NPRL3: variants seen among roughly 807,000 people sequenced by gnomAD.
NPRL3 encodes the protein GATOR1 complex protein NPRL3.
Under a neutral mutation model 57.2 loss-of-function variants are expected in NPRL3, and 23 were observed. That is an observed-to-expected ratio of 0.40 (90% confidence interval 0.29 to 0.57). NPRL3 has a LOEUF of 0.57. NPRL3 is among the 20% of genes least tolerant of loss of function. The probability of loss-of-function intolerance (pLI) is 0.42; values close to 1 mark genes in which losing one functional copy is unlikely to be tolerated. For synonymous variants in NPRL3, 333 were observed against 321.1 expected (o/e 1.04, Z -0.39); for missense variants, 691 against 767.1 (o/e 0.90, Z 1.17).
At chr16:97,836 C>G (rs796980923) in intron 9 of NPRL3, among the ~76,000 whole-genome samples, 27 of 152,278 alleles carry the variant, frequency 1.8e-4, no homozygotes, top group African/African-American at 6.5e-4. Flanking sequence ...CTGCCCACCC[C>G]CTAGCTCTGG....
chr16:86,697 G>A lies in NPRL3; in HGVS notation c.*8C>T, dbSNP rs773919262. 141 of 1,546,566 alleles carry A rather than the reference G, an allele frequency of 9.1e-5. 1 individual carries two copies. Among genetic ancestry groups the A allele is most frequent in the Admixed American group, 2.7e-4 (14 of 51,036 alleles). ...GCACCCCAGCAGCCTTCCGCCCTCC[G>A]CCTGGGCTCAGGGGAGCAGAGCCTG... is the stretch of plus-strand genomic sequence containing the variant. On this transcript the variant is annotated 3_prime_UTR_variant, in exon 14 of 14. Coordinates refer to ENST00000611875, the MANE Select transcript of NPRL3 (RefSeq NM_001077350.3).
intron 13 of NPRL3, among the ~76,000 whole-genome samples, chr16:87,839 G>A (rs945285454): frequency 1.6e-4 from 24 of 150,140 alleles, no homozygotes; most frequent in Non-Finnish European, 3.5e-4. Flanking sequence ...CAAAGTGCTG[G>A]GATTACAGGC....
rs767696815 is a variant in NPRL3, at chr16:85,907, C to A, written c.*798G>T. Reference sequence around the variant, plus strand: ...CCATGTCTGGAGCTAGCTCTTCCTCCAGGACACGAGAGCTGGGGGCCTGAG... The same window carrying A: ...CCATGTCTGGAGCTAGCTCTTCCTCAAGGACACGAGAGCTGGGGGCCTGAG... On this transcript the variant is annotated 3_prime_UTR_variant, in exon 14 of 14. Transcript: ENST00000611875. 12 of 1,123,250 alleles carry A rather than the reference C, an allele frequency of 1.1e-5. No homozygotes were observed. The highest frequency in any genetic ancestry group is 3.2e-4 in the Middle Eastern group (1 of 3,170). 69.6% of individuals were successfully genotyped at this position (1,123,250 alleles called of 1,614,324 possible). A position where few individuals can be genotyped will look rare whatever the true frequency, so the allele number is the denominator to read the frequency against.
chr16:125,685 T>G (rs1258467574), intron 3 of NPRL3: 1 of 152,286 alleles, frequency 6.6e-6, no homozygotes, highest in Non-Finnish European at 1.5e-5. Flanking sequence ...CTTGGAACCC[T>G]GAACCTGCAC....
At chr16:123,587 T>C (rs914541230) in intron 3 of NPRL3, 1 of 466,694 alleles carries the variant, frequency 2.1e-6, no homozygotes, top group Non-Finnish European at 4.4e-6. Context: ...CAAAAACATA[T>C]CACTTTTTTA....
intron 11 of NPRL3, chr16:90,844 C>T (rs528566360): frequency 6.6e-6 from 1 of 152,334 alleles, no homozygotes; most frequent in Non-Finnish European, 1.5e-5. Context: ...AGAAATAAAA[C>T]AGACGCGGGT....
chr16:119,130 C>T lies in NPRL3; in HGVS notation c.314G>A (p.Gly105Glu). The T allele has an allele frequency of 6.2e-7, 1 of 1,613,626 alleles. No individual in the cohort carries two copies. The highest frequency in any genetic ancestry group is 8.5e-7 in the Non-Finnish European group (1 of 1,179,706). ...CCTGCCCAGGGAGAGCCATACCTGC[C>T]CCAGAGCATGCTGTAGCAGTGTTGG... ...GHPTLLQHALGQISKTDPSPK... is the reference protein window; with the variant it reads ...GHPTLLQHALEQISKTDPSPK... The change falls in exon 4 of 14, where the codon GGG becomes GAG. Residue 105 changes from glycine to glutamate, a missense_variant. By Grantham distance (98) the Gly-to-Glu change is moderately conservative (BLOSUM62 -2). Transcript: ENST00000611875.
rs1484497909 is a variant in NPRL3, at chr16:108,299, A to C, written c.629+2226T>G. ...AACATGTGAAGAGATGCATCAGTGCATCACAATAAAGCTACACAGAGATCC... is the reference window on the plus strand; with the variant it reads ...AACATGTGAAGAGATGCATCAGTGCCTCACAATAAAGCTACACAGAGATCC... On this transcript the variant is annotated intron_variant, in intron 7 of 13. Transcript: ENST00000611875. Among the ~76,000 whole-genome samples, 5 of 152,358 alleles carry C rather than the reference A, an allele frequency of 3.3e-5. No homozygotes were observed. In the East Asian group the frequency reaches 9.6e-4, roughly 29 times the overall value.
chr16:106,590 C>T (rs996741573), intron 7 of NPRL3, among the ~76,000 whole-genome samples: 1 of 131,200 alleles, frequency 7.6e-6, no homozygotes, highest in Non-Finnish European at 1.5e-5. Flanking sequence ...GCCAAGATTG[C>T]GCTCCAGCCT....
chr16:109,568 T>A (rs1212107314), intron 7 of NPRL3, among the ~76,000 whole-genome samples: 3 of 152,242 alleles, frequency 2.0e-5, no homozygotes, highest in Admixed American at 2.0e-4. Context: ...CTCTCATGTA[T>A]AACTTCGGGC....
intron 2 of NPRL3, among the ~76,000 whole-genome samples, chr16:131,621 G>GAAAAA (rs1900807527): frequency 1.2e-5 from 1 of 82,816 alleles, no homozygotes. Context: ...AAAAAAAAAC[G>GAAAAA]CTAACAATCA....
intron 13 of NPRL3, among the ~76,000 whole-genome samples, chr16:87,140 G>A (rs905064931): frequency 2.6e-4 from 40 of 152,218 alleles, no homozygotes; most frequent in African/African-American, 9.4e-4. Flanking sequence ...CCAAGCCTGC[G>A]TCCTGATGTT....
In NPRL3 at chr16:85,775, T is replaced by C; in HGVS notation, c.*930A>G. 6.7e-7 allele frequency: 1 copy of C among 1,495,274 alleles called. No homozygotes were observed. Among genetic ancestry groups the C allele is most frequent in the African/African-American group, 1.4e-5 (1 of 71,350 alleles). The allele number at this position is 1,495,274 out of a possible 1,614,324, so 92.6% of individuals were successfully genotyped here. Reference sequence around the variant, plus strand: ...AGTGGCTGAGCAGGACACACAGGCCTGAGCAAAGGGCCTGCCCAGACAAGA... The same window carrying C: ...AGTGGCTGAGCAGGACACACAGGCCCGAGCAAAGGGCCTGCCCAGACAAGA... On this transcript the variant is annotated 3_prime_UTR_variant, in exon 14 of 14. Coordinates refer to ENST00000611875, the MANE Select transcript of NPRL3 (RefSeq NM_001077350.3).
chr16:86,030 C>T lies in NPRL3; in HGVS notation c.*675G>A. ...GGTCCTGCACAGTGGGCCATGCCTC[C>T]ACCAGCAAGATGTGCACAGGTGACA... is the stretch of plus-strand genomic sequence containing the variant. On this transcript the variant is annotated 3_prime_UTR_variant, in exon 14 of 14. Transcript: ENST00000611875. The T allele has an allele frequency of 2.6e-6, 1 of 385,884 alleles. No individual in the cohort carries two copies. The highest frequency in any genetic ancestry group is 4.0e-5 in the East Asian group (1 of 25,180). 23.9% of individuals were successfully genotyped at this position (385,884 alleles called of 1,614,324 possible). A position where few individuals can be genotyped will look rare whatever the true frequency, so the allele number is the denominator to read the frequency against.
intron 7 of NPRL3, 98 bp from the exon 8 acceptor site, chr16:100,607 C>T (rs1899240397): frequency 8.3e-7 from 1 of 1,200,438 alleles, no homozygotes; most frequent in Non-Finnish European, 1.1e-6. Context: ...TCCCCTGCTG[C>T]TTAGGGGAAA....
intron 5 of NPRL3, among the ~76,000 whole-genome samples, chr16:116,784 G>A (rs939235152): frequency 4.1e-5 from 5 of 120,748 alleles, no homozygotes; most frequent in African/African-American, 1.9e-4. Context: ...CCAACATGGC[G>A]AGACCCCCCC....
intron 2 of NPRL3, among the ~76,000 whole-genome samples, chr16:135,823 C>T (rs936674858): frequency 6.6e-6 from 1 of 151,942 alleles, no homozygotes; most frequent in Non-Finnish European, 1.5e-5. Flanking sequence ...TGTCCCAAGA[C>T]CTATTTTTAC....
chr16:97,698 C>T (rs28721425), intron 9 of NPRL3, among the ~76,000 whole-genome samples: 5,192 of 152,116 alleles, frequency 0.034, 256 homozygotes, highest in African/African-American at 0.11. Context: ...CACACAGGGG[C>T]GTAAGGCCAC....
At chr16:95,323 GTGTATA>G (rs1248513112) in intron 9 of NPRL3, among the ~76,000 whole-genome samples, 368 of 32,890 alleles carry the variant, frequency 0.011, 4 homozygotes, top group African/African-American at 0.02. Flanking sequence ...ATGTTTGTGT[GTGTATA>G]TATATATATA....
Sources: allele counts gnomAD v4.1 joint callset (sites outside exome capture counted in the v4.1 genomes callset), GRCh38; gene constraint gnomAD v4.1.1; transcripts MANE v1.5; gene names NCBI Gene and HGNC (gene_info 2026-07-23, HGNC 2026-07-21).